The following PRKG2 variants were observed in gnomAD, a reference collection of about 807,000 sequenced individuals.
PRKG2 encodes protein kinase cGMP-dependent 2.
Under a neutral mutation model 97.2 loss-of-function variants are expected in PRKG2, and 33 were observed. The observed-to-expected ratio is 0.34, with a 90% CI of 0.26 to 0.45. The LOEUF (loss-of-function observed/expected upper bound fraction) is 0.45. Among genes scored for constraint, PRKG2 ranks in the 20% least tolerant of loss-of-function variants. The pLI, the probability that PRKG2 is intolerant of heterozygous loss-of-function variation, is 1.00. For missense variants in PRKG2, 638 were observed against 900.0 expected (o/e 0.71, Z 3.73); for synonymous variants, 330 against 321.8 (o/e 1.03, Z -0.27).
At chr4:81,134,469 T>C (rs369661896) in intron 14 of PRKG2, among the ~76,000 whole-genome samples, 208 of 152,316 alleles carry the variant, frequency 1.4e-3, no homozygotes, top group Non-Finnish European at 2.1e-3. Context: ...CCCATTCTAA[T>C]GGGGTTCCTT....
intron 18 of PRKG2, among the ~76,000 whole-genome samples, chr4:81,091,437 C>T (rs1741524222): frequency 6.6e-6 from 1 of 152,092 alleles, no homozygotes; most frequent in Admixed American, 6.5e-5. Flanking sequence ...TGCCCGCCAC[C>T]ATGCCCGGCT....
chr4:81,128,725 CTTT>C (rs1262807077), intron 14 of PRKG2, among the ~76,000 whole-genome samples: 1 of 151,978 alleles, frequency 6.6e-6, no homozygotes, highest in African/African-American at 2.4e-5. Context: ...CTCTTTTCTT[CTTT>C]ATTAGTCTGG....
At chr4:81,163,402 A>G (rs1578449475) in intron 6 of PRKG2, among the ~76,000 whole-genome samples, 1 of 152,314 alleles carries the variant, frequency 6.6e-6, no homozygotes, top group East Asian at 1.9e-4. Flanking sequence ...TATCCTGCAG[A>G]GCAATGGTTT....
chr4:81,131,891 C>A (rs1449938796), intron 14 of PRKG2, among the ~76,000 whole-genome samples: 1 of 151,856 alleles, frequency 6.6e-6, no homozygotes, highest in Non-Finnish European at 1.5e-5. Context: ...TAATTTTGTT[C>A]TTTTTCAAAG....
At chr4:81,171,609 A>G (rs906193855) in intron 4 of PRKG2, 82 bp downstream of exon 4, 4 of 1,016,792 alleles carry the variant, frequency 3.9e-6, no homozygotes, top group East Asian at 2.5e-5. Flanking sequence ...CAGACTGTGG[A>G]TCAGGGTGCA....
chr4:81,120,253 C>T (rs931255991), intron 14 of PRKG2, among the ~76,000 whole-genome samples: 8 of 152,124 alleles, frequency 5.3e-5, no homozygotes, highest in Admixed American at 2.6e-4. Flanking sequence ...GATTTCTGTA[C>T]GTCACTTCCC....
chr4:81,171,508 T>C (rs1750474913), intron 4 of PRKG2, among the ~76,000 whole-genome samples, 183 bp downstream of exon 4: 1 of 152,178 alleles, frequency 6.6e-6, no homozygotes, highest in Non-Finnish European at 1.5e-5. Context: ...AAGTTCTTTT[T>C]AGCTTAAATT....
intron 2 of PRKG2, chr4:81,192,109 G>A (rs1752577165): frequency 6.6e-6 from 1 of 152,182 alleles, no homozygotes; most frequent in Non-Finnish European, 1.5e-5. Context: ...AGTCATACAG[G>A]AAATACTATA....
intron 6 of PRKG2, among the ~76,000 whole-genome samples, chr4:81,162,743 C>T (rs1175314854): frequency 6.6e-6 from 1 of 152,134 alleles, no homozygotes; most frequent in Non-Finnish European, 1.5e-5. Flanking sequence ...ATAGGATGAT[C>T]CTGATCCCCC....
intron 15 of PRKG2, among the ~76,000 whole-genome samples, chr4:81,107,341 A>G (rs1388393666): frequency 6.6e-6 from 1 of 152,100 alleles, no homozygotes; most frequent in Non-Finnish European, 1.5e-5. Flanking sequence ...TGGTATCATC[A>G]AGAGAGTGAG....
chr4:81,142,171 AAG>A (rs1747359468), intron 11 of PRKG2, among the ~76,000 whole-genome samples: 1 of 152,218 alleles, frequency 6.6e-6, no homozygotes, highest in East Asian at 1.9e-4. Context: ...ATAGCTCAGA[AAG>A]AGGGTGATGT....
At chr4:81,144,608 A>ATTTT (rs200058151) in intron 9 of PRKG2, among the ~76,000 whole-genome samples, 4 of 140,462 alleles carry the variant, frequency 2.8e-5, no homozygotes, top group African/African-American at 1.2e-4. Context: ...ATATATATAT[A>ATTTT]TATTTTTTTT....
intron 2 of PRKG2, among the ~76,000 whole-genome samples, chr4:81,179,862 C>T (rs1751254474): frequency 6.6e-6 from 1 of 151,874 alleles, no homozygotes; most frequent in Non-Finnish European, 1.5e-5. Flanking sequence ...CAAGGATAGG[C>T]CGGGCGCAGT....
At chr4:81,113,662 T>C (rs966861268) in intron 14 of PRKG2, among the ~76,000 whole-genome samples, 1 of 152,098 alleles carries the variant, frequency 6.6e-6, no homozygotes, top group Non-Finnish European at 1.5e-5. Context: ...GTCAGTAAAT[T>C]TGTCAGATAT....
intron 2 of PRKG2, chr4:81,193,244 G>C (rs2110115181): frequency 6.6e-6 from 1 of 152,178 alleles, no homozygotes; most frequent in South Asian, 2.1e-4. Flanking sequence ...CATATGGTAA[G>C]GCATATTTGT....
At chr4:81,149,607 A>G (rs918121748) in intron 8 of PRKG2, among the ~76,000 whole-genome samples, 4 of 152,144 alleles carry the variant, frequency 2.6e-5, no homozygotes, top group Admixed American at 2.6e-4. Context: ...ATCCAATGGT[A>G]GCAAATTTAA....
intron 1 of PRKG2, among the ~76,000 whole-genome samples, chr4:81,208,151 T>C (rs1213370588): frequency 6.6e-6 from 1 of 152,216 alleles, no homozygotes; most frequent in East Asian, 1.9e-4. Context: ...CAACCTTCTA[T>C]ATATTCCTAA....
intron 2 of PRKG2, among the ~76,000 whole-genome samples, chr4:81,190,580 G>A (rs1752399067): frequency 6.6e-6 from 1 of 152,062 alleles, no homozygotes; most frequent in African/African-American, 2.4e-5. Context: ...AGCCAAAATT[G>A]ACAAATGGGA....
chr4:81,137,916 T>C (rs1404595385), intron 12 of PRKG2, among the ~76,000 whole-genome samples: 1 of 152,182 alleles, frequency 6.6e-6, no homozygotes, highest in Admixed American at 6.5e-5. Flanking sequence ...ATCCCCTAGT[T>C]GGTTAATTGA....
Sources: gnomAD v4.1 joint callset for allele counts (sites outside exome capture counted in the v4.1 genomes callset) on GRCh38, gnomAD v4.1.1 for gene constraint, MANE v1.5 for transcripts, NCBI Gene and HGNC (gene_info 2026-07-23, HGNC 2026-07-21) for gene names.